The following ODF2 variants were observed in gnomAD, a reference collection of about 807,000 sequenced individuals.
ODF2 encodes outer dense fiber of sperm tails 2.
A neutral mutation model predicts 110.2 loss-of-function variants in ODF2; 47 were observed. The observed-to-expected ratio is 0.43, with a 90% CI of 0.34 to 0.54. The LOEUF (loss-of-function observed/expected upper bound fraction) is 0.54. Among genes scored for constraint, ODF2 ranks in the 20% least tolerant of loss-of-function variants. The pLI, the probability that ODF2 is intolerant of heterozygous loss-of-function variation, is 0.03. For missense variants in ODF2, 812 were observed against 1,054.5 expected (o/e 0.77, Z 3.19); for synonymous variants, 352 against 397.7 (o/e 0.89, Z 1.37).
Position 128,489,655 on chromosome 9 carries a change from G to C in ODF2, c.1536+1630G>C, listed in dbSNP as rs1037629039. ...CATTCTACTGTCAGTGGACATTTGG[G>C]TTTCCATAGTGTTGCTGTGAACATC... On this transcript the variant is annotated intron_variant, in intron 14 of 20. Coordinates refer to ENST00000604420, the Ensembl canonical transcript of ODF2. Among the ~76,000 whole-genome samples the C allele has an allele frequency of 2.6e-4, 40 of 152,196 alleles. 1 individual carries two copies. The highest frequency in any genetic ancestry group is 2.6e-3 in the Admixed American group (40 of 15,280).
intron 8 of ODF2, 146 bp from the exon 9 acceptor site, chr9:128,481,434 A>G: frequency 1.9e-6 from 1 of 538,040 alleles, no homozygotes; most frequent in South Asian, 2.1e-5. Flanking sequence ...CCATGATTGC[A>G]CCACTGCACT....
intron 8 of ODF2, among the ~76,000 whole-genome samples, chr9:128,477,628 C>T (rs1248060839): frequency 4.0e-5 from 6 of 148,270 alleles, no homozygotes; most frequent in Non-Finnish European, 5.9e-5. Flanking sequence ...TTTTTTGAGA[C>T]GGAGTCTCGC....
At chr9:128,473,068 G>C in intron 7 of ODF2, 26 bp downstream of exon 7, 3 of 1,613,568 alleles carry the variant, frequency 1.9e-6, no homozygotes, top group Non-Finnish European at 2.5e-6. Context: ...CAGGACCCCA[G>C]CCATGGAACT....
chr9:128,460,498 T>C, intron 3 of ODF2, 52 bp from the exon 3 acceptor site: 1 of 1,599,832 alleles, frequency 6.3e-7, no homozygotes. Flanking sequence ...TTATGCCCAG[T>C]TTACTCATCC....
chr9:128,474,349 C>T (rs1388951118), intron 8 of ODF2, among the ~76,000 whole-genome samples: 1 of 152,112 alleles, frequency 6.6e-6, no homozygotes, highest in African/African-American at 2.4e-5. Flanking sequence ...AAAAATTAGC[C>T]AGGTGTGGTG....
At chr9:128,478,281 T>C (rs1481989070) in intron 8 of ODF2, among the ~76,000 whole-genome samples, 2 of 152,186 alleles carry the variant, frequency 1.3e-5, no homozygotes, top group Non-Finnish European at 2.9e-5. Context: ...CCAGCCTGGA[T>C]GACAGAGCCA....
In ODF2 at chr9:128,456,615, C is replaced by G. The variant is rs1228097242; in HGVS notation, c.-209+360C>G. On this transcript the variant is annotated intron_variant, in intron 1 of 20. Transcript: ENST00000604420. Reference sequence around the variant, plus strand: ...CCTTCTCTCCGCCGACAGAGGCTCTCCCTCGCTCTGCTGCCCGTCGGCGGC... The same window carrying G: ...CCTTCTCTCCGCCGACAGAGGCTCTGCCTCGCTCTGCTGCCCGTCGGCGGC... The G allele has an allele frequency of 2.0e-6, 3 of 1,514,906 alleles. No individual in the cohort carries two copies. In the African/African-American group the frequency reaches 4.3e-5, roughly 22 times the overall value. The allele number at this position is 1,514,906 out of a possible 1,614,324, so 93.8% of individuals were successfully genotyped here.
At chr9:128,470,108 C>T (rs375306210) in intron 5 of ODF2, among the ~76,000 whole-genome samples, 2 of 140,064 alleles carry the variant, frequency 1.4e-5, no homozygotes, top group Admixed American at 7.5e-5. Flanking sequence ...CCTCAGTTGC[C>T]GTGCTCTCTC....
intron 16 of ODF2, among the ~76,000 whole-genome samples, chr9:128,493,345 A>C (rs1189722248): frequency 6.6e-6 from 1 of 152,182 alleles, no homozygotes. Context: ...TCATTGTGCC[A>C]CTACGCTCTA....
chr9:128,471,600 C>A (rs1263663290), intron 6 of ODF2, 132 bp downstream of exon 6: 2 of 724,320 alleles, frequency 2.8e-6, no homozygotes, highest in African/African-American at 1.9e-5. Context: ...GCCTGTTCAA[C>A]AGTCACACAA....
exon 20 of ODF2, chr9:128,499,120 T>C (rs1419686015): frequency 1.1e-5 from 18 of 1,614,062 alleles, no homozygotes; most frequent in Non-Finnish European, 1.4e-5. Flanking sequence ...GGCGGAGCCG[T>C]GATGATGTGA....
chr9:128,455,908 A>C, upstream of ODF2: 846 of 1,239,978 alleles, frequency 6.8e-4, no homozygotes, highest in East Asian at 7.8e-4. Context: ...CCGAGCGGGA[A>C]AGGCCTTGAA....
Position 128,496,145 on chromosome 9 carries a change from A to C in ODF2, c.2012+4A>C. The C allele has an allele frequency of 6.2e-7, 1 of 1,613,834 alleles. No homozygotes were observed. Among genetic ancestry groups the C allele is most frequent in the South Asian group, 1.1e-5 (1 of 91,082 alleles). ...TGAAGGTGGATGAACTGGAGAGGTTAGAGGCACTTGGTCCCATCTCTGTCC... is the reference window on the plus strand; with the variant it reads ...TGAAGGTGGATGAACTGGAGAGGTTCGAGGCACTTGGTCCCATCTCTGTCC... On this transcript the variant is annotated splice_donor_region_variant and intron_variant, in intron 18 of 20. Coordinates refer to ENST00000604420, the Ensembl canonical transcript of ODF2.
At chr9:128,478,344 TC>T (rs2131904254) in intron 8 of ODF2, among the ~76,000 whole-genome samples, 2 of 152,226 alleles carry the variant, frequency 1.3e-5, no homozygotes, top group South Asian at 4.1e-4. Context: ...ACGCCTGTGA[TC>T]CTAGCACTTT....
intron 8 of ODF2, among the ~76,000 whole-genome samples, chr9:128,481,064 A>C (rs1452112681): frequency 6.6e-6 from 1 of 152,148 alleles, no homozygotes; most frequent in African/African-American, 2.4e-5. Flanking sequence ...GATACTCCTC[A>C]AACTAATAGC....
chr9:128,457,303 G>GC, exon 2 of ODF2: 1 of 1,608,060 alleles, frequency 6.2e-7, no homozygotes, highest in Non-Finnish European at 8.5e-7. Context: ...GACGTTTGAT[G>GC]CCGGGCCCCT....
chr9:128,500,308 T>G, exon 21 of ODF2: 1 of 1,581,522 alleles, frequency 6.3e-7, no homozygotes, highest in South Asian at 1.1e-5. Context: ...ACTCCAGAGT[T>G]GCCAAGCCAT....
intron 8 of ODF2, among the ~76,000 whole-genome samples, chr9:128,480,015 A>G (rs1222569886): frequency 6.6e-6 from 1 of 152,072 alleles, no homozygotes; most frequent in African/African-American, 2.4e-5. Flanking sequence ...CCAGCTACTG[A>G]GGAGGCTGAG....
chr9:128,463,548 T>G (rs1014964630), intron 4 of ODF2, among the ~76,000 whole-genome samples: 1 of 152,076 alleles, frequency 6.6e-6, no homozygotes, highest in African/African-American at 2.4e-5. Context: ...TGTGATTATG[T>G]CACTGCACTG....
Sources: gnomAD v4.1 joint callset for allele counts (sites outside exome capture counted in the v4.1 genomes callset) on GRCh38, gnomAD v4.1.1 for gene constraint, MANE v1.5 for transcripts, NCBI Gene and HGNC (gene_info 2026-07-23, HGNC 2026-07-21) for gene names.